The following KIF14 variants were observed in gnomAD, a reference collection of about 807,000 sequenced individuals.
KIF14 encodes the protein kinesin family member 14.
Under a neutral mutation model 176.2 loss-of-function variants are expected in KIF14, and 98 were observed. The ratio of observed to expected loss-of-function variants is 0.56; its 90% CI spans 0.47 to 0.66. The LOEUF is 0.66. Ranked by LOEUF, KIF14 falls within the 30% of genes least tolerant of loss-of-function variation. The pLI is 0.00. For missense variants in KIF14, 1,751 were observed against 1,920.4 expected (o/e 0.91, Z 1.65); for synonymous variants, 566 against 632.2 (o/e 0.90, Z 1.57).
At chr1:200,578,774 A>G (rs1193276314) in intron 21 of KIF14, among the ~76,000 whole-genome samples, 1 of 152,230 alleles carries the variant, frequency 6.6e-6, no homozygotes. Flanking sequence ...TTTTATAGCT[A>G]TATTAATTTC....
chr1:200,554,536 G>A lies in KIF14; in HGVS notation c.4499C>T (p.Ala1500Val), dbSNP rs771213081. 6.4e-7 allele frequency: 1 copy of A among 1,554,866 alleles called. No homozygotes were observed. Among genetic ancestry groups the A allele is most frequent in the Non-Finnish European group, 8.9e-7 (1 of 1,128,934 alleles). The change falls in exon 29 of 30, where the codon GCT (alanine) becomes GTT (valine). Residue 1500 changes from alanine (A) to valine (V), a missense_variant. Ala to Val is a moderately conservative substitution (Grantham distance 64). Transcript: ENST00000367350. ...ATGTTTTAACTTTAAGAATTCTGGA[G>A]CACGATTAACCATCCTCTTGAAATC... ...YQDFKRMVNR[A>V]PEFLKLKHCL...
intron 4 of KIF14, among the ~76,000 whole-genome samples, chr1:200,613,358 T>A (rs1397311008): frequency 1.3e-5 from 2 of 152,214 alleles, no homozygotes; most frequent in African/African-American, 2.4e-5. Context: ...AATAATGCTA[T>A]GTATCCTTCA....
intron 5 of KIF14, 129 bp from the exon 6 acceptor site, chr1:200,606,927 AAC>A: frequency 1.3e-6 from 1 of 791,566 alleles, no homozygotes; most frequent in Middle Eastern, 2.5e-4. Flanking sequence ...GAAAAAAAAA[AAC>A]CACAAAAACT....
intron 16 of KIF14, among the ~76,000 whole-genome samples, chr1:200,591,048 C>T (rs1344659460): frequency 2.1e-5 from 3 of 145,576 alleles, no homozygotes; most frequent in Non-Finnish European, 4.6e-5. Flanking sequence ...AAAAAACAAA[C>T]AAAAAAAAAA....
At chr1:200,570,044 C>T (rs757663261) in intron 22 of KIF14, 39 bp from the exon 23 acceptor site, 4 of 926,336 alleles carry the variant, frequency 4.3e-6, no homozygotes, top group Non-Finnish European at 6.7e-6. Flanking sequence ...AGTTCTATAC[C>T]ACATGGAATA....
chr1:200,578,265 G>GT (rs1553256361), intron 21 of KIF14, among the ~76,000 whole-genome samples: 1 of 151,462 alleles, frequency 6.6e-6, no homozygotes, highest in Non-Finnish European at 1.5e-5. Context: ...GCTTTCCTTT[G>GT]TTTTATTTTG....
intron 23 of KIF14, among the ~76,000 whole-genome samples, chr1:200,566,897 G>A (rs539341304): frequency 6.6e-6 from 1 of 151,960 alleles, no homozygotes; most frequent in Non-Finnish European, 1.5e-5. Flanking sequence ...TGTCTCAGCC[G>A]GGCACAGTGG....
At chr1:200,600,252 C>G in intron 12 of KIF14, 104 bp downstream of exon 12, 1 of 1,323,394 alleles carries the variant, frequency 7.6e-7, no homozygotes. Flanking sequence ...CTGCTCTATT[C>G]ATAAGGAAGG....
chr1:200,609,627 C>T (rs574256256), intron 4 of KIF14, among the ~76,000 whole-genome samples: 43 of 152,246 alleles, frequency 2.8e-4, no homozygotes, highest in African/African-American at 1.0e-3. Context: ...CCAGCCTAGG[C>T]GACAGAGTGA....
At chr1:200,557,896 C>A (rs1461289684) in intron 27 of KIF14, among the ~76,000 whole-genome samples, 1 of 152,064 alleles carries the variant, frequency 6.6e-6, no homozygotes, top group Non-Finnish European at 1.5e-5. Context: ...CCTAAATGTC[C>A]CCAGGTAGCA....
At chr1:200,593,792 G>A (rs369804039) in intron 14 of KIF14, 23 bp from the exon 15 acceptor site, 15 of 1,383,824 alleles carry the variant, frequency 1.1e-5, no homozygotes, top group Non-Finnish European at 1.5e-5. Flanking sequence ...GAAGCACATA[G>A]TTAACAATTA....
chr1:200,570,616 G>A (rs1657729039), intron 22 of KIF14, among the ~76,000 whole-genome samples: 2 of 152,206 alleles, frequency 1.3e-5, no homozygotes, highest in African/African-American at 4.8e-5. Context: ...AAGGGATTAA[G>A]CTGGGAGGTG....
At chr1:200,569,552 T>A (rs1657665329) in intron 23 of KIF14, among the ~76,000 whole-genome samples, 1 of 152,050 alleles carries the variant, frequency 6.6e-6, no homozygotes, top group Non-Finnish European at 1.5e-5. Context: ...CTTATTCATT[T>A]ACAAGCATCT....
rs1658978571 is a variant in KIF14 at position 200,590,119 on chromosome 1, T to G, written c.2961+6A>C. The G allele has an allele frequency of 6.3e-6, 10 of 1,598,994 alleles. No individual in the cohort carries two copies. Among genetic ancestry groups the G allele is most frequent in the Non-Finnish European group, 8.5e-6 (10 of 1,176,716 alleles). ...AAAAAAAAATAAAACTAATTCTGCC[T>G]TTTACCAGTTCTGCTTCCAGTGCTT... On this transcript the variant is annotated splice_donor_region_variant and intron_variant, in intron 17 of 29. Coordinates refer to ENST00000367350, the MANE Select transcript of KIF14 (RefSeq NM_014875.3).
intron 21 of KIF14, 85 bp downstream of exon 21, chr1:200,580,169 T>A (rs1658364039): frequency 1.4e-6 from 1 of 702,924 alleles, no homozygotes; most frequent in Admixed American, 4.3e-5. Flanking sequence ...TTTATATATA[T>A]ACTTTTTTCA....
At chr1:200,561,542 C>T (rs1482394987) in intron 25 of KIF14, among the ~76,000 whole-genome samples, 2 of 144,334 alleles carry the variant, frequency 1.4e-5, no homozygotes, top group African/African-American at 5.2e-5. Flanking sequence ...CTCTGTCTCA[C>T]TGATTTTCAA....
intron 27 of KIF14, among the ~76,000 whole-genome samples, chr1:200,558,351 AC>A (rs1656949132): frequency 6.6e-6 from 1 of 152,184 alleles, no homozygotes; most frequent in African/African-American, 2.4e-5. Flanking sequence ...CCTAATCCCC[AC>A]TTCACTAACA....
intron 21 of KIF14, among the ~76,000 whole-genome samples, chr1:200,577,464 A>C (rs550856364): frequency 6.6e-6 from 1 of 152,184 alleles, no homozygotes; most frequent in Non-Finnish European, 1.5e-5. Context: ...AGCCCTGCTA[A>C]CATTTCCTTT....
chr1:200,607,447 T>C (rs1261198325), intron 5 of KIF14, among the ~76,000 whole-genome samples: 1 of 152,180 alleles, frequency 6.6e-6, no homozygotes, highest in Non-Finnish European at 1.5e-5. Flanking sequence ...CTTGTCTTCC[T>C]AGTTTTTCAG....
Sources: gnomAD v4.1 joint callset for allele counts (sites outside exome capture counted in the v4.1 genomes callset) on GRCh38, gnomAD v4.1.1 for gene constraint, MANE v1.5 for transcripts, NCBI Gene and HGNC (gene_info 2026-07-23, HGNC 2026-07-21) for gene names.